The following TOLLIP variants were observed in gnomAD, a reference collection of about 807,000 sequenced individuals.
TOLLIP encodes the protein toll-interacting protein.
In TOLLIP, 16 loss-of-function variants were observed where a neutral mutation model predicts 33.5. The ratio of observed to expected loss-of-function variants is 0.48; its 90% CI spans 0.32 to 0.72. TOLLIP has a LOEUF of 0.72. TOLLIP is among the 30% of genes least tolerant of loss of function. TOLLIP has a pLI of 0.03. For synonymous variants in TOLLIP, 176 were observed against 163.7 expected, an observed-to-expected ratio of 1.07 and a Z score of -0.57; for missense variants, 325 against 396.6, an observed-to-expected ratio of 0.82 and a Z score of 1.53.
intron 1 of TOLLIP, among the ~76,000 whole-genome samples, chr11:1,301,762 C>T (rs1864284540): frequency 1.3e-5 from 2 of 152,296 alleles, no homozygotes; most frequent in South Asian, 2.1e-4. Flanking sequence ...CATGATTCAA[C>T]GTGACTTTCA....
intron 4 of TOLLIP, among the ~76,000 whole-genome samples, chr11:1,288,336 G>T (rs550844324): frequency 4.6e-5 from 7 of 152,230 alleles, no homozygotes; most frequent in Non-Finnish European, 1.0e-4. Context: ...GAGGACACAG[G>T]GGCCTGCAGT....
At position 1,276,997 on chromosome 11, in the gene TOLLIP, G is replaced by A. The variant is rs992116853; in HGVS notation, c.*42C>T. ...ATTCCTTGGGGAGCGCCGGGTCGGCGTGTCCAAAGAGCGGGGGCAAAACGG... is the reference window on the plus strand; with the variant it reads ...ATTCCTTGGGGAGCGCCGGGTCGGCATGTCCAAAGAGCGGGGGCAAAACGG... On this transcript the variant is annotated 3_prime_UTR_variant, in exon 6 of 6. Transcript: ENST00000317204. 12 of 1,601,298 alleles carry A rather than the reference G, an allele frequency of 7.5e-6. No homozygotes were observed. Among genetic ancestry groups the A allele is most frequent in the Admixed American group, 1.7e-5 (1 of 59,460 alleles).
At chr11:1,286,721 G>C (rs1191149721) in intron 4 of TOLLIP, among the ~76,000 whole-genome samples, 1 of 150,582 alleles carries the variant, frequency 6.6e-6, no homozygotes, top group Non-Finnish European at 1.5e-5. Context: ...CTGTGGATAA[G>C]TCACTGCACT....
chr11:1,283,455 T>C (rs535312492), intron 5 of TOLLIP: 4 of 425,360 alleles, frequency 9.4e-6, no homozygotes, highest in East Asian at 7.1e-5. Flanking sequence ...CCCCTGCTTA[T>C]TGGAAACGCA....
In TOLLIP at chr11:1,309,500, G is replaced by C. The variant is rs1248232172; in HGVS notation, c.-2C>G. On this transcript the variant is annotated 5_prime_UTR_variant, in exon 1 of 6. Transcript: ENST00000317204. ...CTGAGTGCTGACGGTGGTCGCCATG[G>C]TGCTGCGGCGGCCCCCGTGGCTCGC... The C allele has an allele frequency of 7.6e-7, 1 of 1,313,890 alleles. No individual in the cohort carries two copies. The highest frequency in any genetic ancestry group is 9.8e-7 in the Non-Finnish European group (1 of 1,024,244). The allele number at this position is 1,313,890 out of a possible 1,614,324, so 81.4% of individuals were successfully genotyped here. A position where few individuals can be genotyped will look rare whatever the true frequency, so the allele number is the denominator to read the frequency against.
chr11:1,283,757 C>A (rs1282160649), intron 5 of TOLLIP, among the ~76,000 whole-genome samples: 5 of 152,216 alleles, frequency 3.3e-5, no homozygotes. Context: ...GCCAGATACA[C>A]CCTGGCGCTG....
At chr11:1,284,582 C>T (rs1362237459) in intron 5 of TOLLIP, among the ~76,000 whole-genome samples, 2 of 152,174 alleles carry the variant, frequency 1.3e-5, no homozygotes, top group Admixed American at 6.5e-5. Flanking sequence ...ATCTCCTGAC[C>T]TCACGATCTG....
intron 2 of TOLLIP, 122 bp downstream of exon 2, chr11:1,295,523 A>G: frequency 8.0e-7 from 1 of 1,248,652 alleles, no homozygotes; most frequent in Non-Finnish European, 1.1e-6. Flanking sequence ...GTTTCAGGAA[A>G]AGCGGGAATC....
In TOLLIP at chr11:1,290,491, C is replaced by T; in HGVS notation, c.184-82G>A. On this transcript the variant is annotated intron_variant, in intron 2 of 5. Coordinates refer to ENST00000317204, the MANE Select transcript of TOLLIP (RefSeq NM_019009.4). The surrounding 1 kb of genome is among the most constrained non-coding windows in gnomAD (Gnocchi z 4.9). Reference sequence around the variant, plus strand: ...TCTCTAGGCCGTCTGCCTCCCTGAACCCTTCCACGAGGCCTTTTCCTAACA... The same window carrying T: ...TCTCTAGGCCGTCTGCCTCCCTGAATCCTTCCACGAGGCCTTTTCCTAACA... 7.4e-7 allele frequency: 1 copy of T among 1,359,928 alleles called. No individual in the cohort carries two copies. Among genetic ancestry groups the T allele is most frequent in the Non-Finnish European group, 1.0e-6 (1 of 974,622 alleles). The allele number at this position is 1,359,928 out of a possible 1,614,324, so 84.2% of individuals were successfully genotyped here. A position where few individuals can be genotyped will look rare whatever the true frequency, so the allele number is the denominator to read the frequency against.
Position 1,283,715 on chromosome 11 carries a change from T to G in TOLLIP, c.610+2287A>C, listed in dbSNP as rs544774343. ...TAGGAACCAGAAAGAGGTAAGCCAA[T>G]CAATGTTATCTGTCATCTGAATGCT... On this transcript the variant is annotated intron_variant, in intron 5 of 5. Transcript: ENST00000317204. The G allele has an allele frequency of 3.6e-5, 14 of 387,022 alleles. No individual in the cohort carries two copies. In the East Asian group the frequency reaches 1.0e-3, roughly 28 times the overall value. 24.0% of individuals were successfully genotyped at this position (387,022 alleles called of 1,614,324 possible). A position where few individuals can be genotyped will look rare whatever the true frequency, so the allele number is the denominator to read the frequency against.
intron 5 of TOLLIP, among the ~76,000 whole-genome samples, chr11:1,281,475 C>T (rs1464405266): frequency 6.6e-6 from 1 of 152,190 alleles, no homozygotes; most frequent in Non-Finnish European, 1.5e-5. Flanking sequence ...GCTCAGACAC[C>T]ACGGGAGGCT....
At chr11:1,286,394 G>A (rs906110288) in intron 4 of TOLLIP, among the ~76,000 whole-genome samples, 2 of 152,204 alleles carry the variant, frequency 1.3e-5, no homozygotes, top group African/African-American at 4.8e-5. Context: ...TGTAGGTGTC[G>A]AGTCGGCCTG....
chr11:1,309,340 C>G, intron 1 of TOLLIP, 126 bp downstream of exon 1: 1 of 483,610 alleles, frequency 2.1e-6, no homozygotes, highest in African/African-American at 2.0e-5. Context: ...CGGCCAGGCG[C>G]CCCGCGTGCC....
rs967381590 is a variant in TOLLIP at position 1,277,205 on chromosome 11, G to A, written c.659C>T (p.Pro220Leu). Residue 220 changes from proline (P) to leucine (L), a missense_variant, in exon 6 of 6, where the codon CCG becomes CTG. Coordinates refer to ENST00000317204, the MANE Select transcript of TOLLIP (RefSeq NM_019009.4). This position sits in a 1 kb window ranked among gnomAD's most constrained non-coding sequence, Gnocchi z 4.2. ...GCGGGGCTGGGCGTTCACGGCGGCCGGGGGCAGGGCCACGGGCACCATGCC... is the reference window on the plus strand; with the variant it reads ...GCGGGGCTGGGCGTTCACGGCGGCCAGGGGCAGGGCCACGGGCACCATGCC... ...SPGMVPVALP[P>L]AAVNAQPRCS... The A allele has an allele frequency of 2.3e-5, 36 of 1,592,746 alleles. No individual in the cohort carries two copies. Among genetic ancestry groups the A allele is most frequent in the Non-Finnish European group, 3.1e-5 (36 of 1,165,212 alleles).
chr11:1,309,390 G>C (rs558086205), intron 1 of TOLLIP, 76 bp downstream of exon 1: 2 of 824,884 alleles, frequency 2.4e-6, no homozygotes, highest in East Asian at 7.6e-5. Context: ...CCGCAGCTGA[G>C]CAGTAGCCCT....
At position 1,276,818 on chromosome 11, in the gene TOLLIP, C is replaced by A; in HGVS notation, c.*221G>T. The A allele has an allele frequency of 6.5e-7, 1 of 1,529,390 alleles. No individual in the cohort carries two copies. Among genetic ancestry groups the A allele is most frequent in the Middle Eastern group, 1.7e-4 (1 of 5,956 alleles). 94.7% of individuals were successfully genotyped at this position (1,529,390 alleles called of 1,614,324 possible). A position where few individuals can be genotyped will look rare whatever the true frequency, so the allele number is the denominator to read the frequency against. ...GACAGGAGAGCGCGCTGAGACCTCC[C>A]AGCACGAGATGGGAGGGGAGCCCCC... On this transcript the variant is annotated 3_prime_UTR_variant, in exon 6 of 6. Transcript: ENST00000317204.
At chr11:1,282,707 C>A (rs1342158888) in intron 5 of TOLLIP, among the ~76,000 whole-genome samples, 1 of 151,482 alleles carries the variant, frequency 6.6e-6, no homozygotes, top group Non-Finnish European at 1.5e-5. Context: ...GTGCAGCACA[C>A]CAACATGGCA....
chr11:1,295,511 A>T, intron 2 of TOLLIP, 134 bp downstream of exon 2: 1 of 1,160,884 alleles, frequency 8.6e-7, no homozygotes, highest in Non-Finnish European at 1.2e-6. Flanking sequence ...AACATCACAC[A>T]GGTTTCAGGA....
At chr11:1,286,198 C>A in intron 4 of TOLLIP, 106 bp from the exon 5 acceptor site, 1 of 836,236 alleles carries the variant, frequency 1.2e-6, no homozygotes, top group South Asian at 1.7e-5. Flanking sequence ...AGCCCAGAAT[C>A]GCCCTCCCCA....
Sources: gnomAD v4.1 joint callset for allele counts (sites outside exome capture counted in the v4.1 genomes callset) on GRCh38, gnomAD v4.1.1 for gene constraint, Gnocchi (gnomAD v3.1) non-coding constraint, MANE v1.5 for transcripts, NCBI Gene and HGNC (gene_info 2026-07-23, HGNC 2026-07-21) for gene names.